The following DLG2 variants were observed in gnomAD, a reference collection of about 807,000 sequenced individuals.
The protein encoded by DLG2 is disks large homolog 2.
Under a neutral mutation model 132.5 loss-of-function variants are expected in DLG2, and 45 were observed. That is an observed-to-expected ratio of 0.34 (90% CI 0.27 to 0.44). The LOEUF (loss-of-function observed/expected upper bound fraction) is 0.44. Ranked by LOEUF, DLG2 falls within the 20% of genes least tolerant of loss-of-function variation. The pLI is 1.00. For missense variants in DLG2, 1,045 were observed against 1,196.9 expected (o/e 0.87, Z 1.87); for synonymous variants, 424 against 419.6 (o/e 1.01, Z -0.13).
chr11:84,995,336 C>T (rs1336021166), intron 6 of DLG2, among the ~76,000 whole-genome samples: 3 of 152,170 alleles, frequency 2.0e-5, no homozygotes, highest in East Asian at 1.9e-4. Context: ...CCACCACTTA[C>T]TAAGATACAT....
At chr11:84,536,736 T>A (rs893751663) in intron 6 of DLG2, among the ~76,000 whole-genome samples, 5 of 152,204 alleles carry the variant, frequency 3.3e-5, no homozygotes, top group African/African-American at 1.2e-4. Context: ...TCAGACTCCA[T>A]CCTGTCTTTT....
chr11:84,087,815 CT>C (rs2097015874), intron 10 of DLG2, among the ~76,000 whole-genome samples: 1 of 152,192 alleles, frequency 6.6e-6, no homozygotes, highest in Non-Finnish European at 1.5e-5. Context: ...TGGGGTTCCC[CT>C]GTCAACATTC....
rs140641115 is a variant in DLG2 at position 83,697,065 on chromosome 11, C to T, written c.1826-63740G>A. 4.0e-3 allele frequency among the ~76,000 whole-genome samples: 610 copies of T among 152,240 alleles called. 3 individuals carry two copies. The highest frequency in any genetic ancestry group is 0.013 in the South Asian group (61 of 4,822). On this transcript the variant is annotated intron_variant, in intron 18 of 27. Coordinates refer to ENST00000376104, the MANE Select transcript of DLG2 (RefSeq NM_001142699.3). The stretch of plus-strand genomic sequence containing the variant: ...GTGAGGTCCTATACTAGGTGTTCAA[C>T]GTAAGAATAACAAGACATGCTCTTT...
chr11:83,785,343 C>T (rs756395633), intron 18 of DLG2, among the ~76,000 whole-genome samples: 8 of 152,272 alleles, frequency 5.3e-5, no homozygotes, highest in African/African-American at 9.6e-5. Flanking sequence ...CTTAAGCCAC[C>T]GCACACGGCC....
At chr11:85,142,858 A>T (rs1019761161) in intron 5 of DLG2, among the ~76,000 whole-genome samples, 1 of 151,828 alleles carries the variant, frequency 6.6e-6, no homozygotes, top group Admixed American at 6.6e-5. Context: ...TATTACATTG[A>T]TTGATTTCTG....
At chr11:85,254,931 G>A (rs56161704) in intron 4 of DLG2, among the ~76,000 whole-genome samples, 3,509 of 151,442 alleles carry the variant, frequency 0.023, 78 homozygotes, top group African/African-American at 0.059. Context: ...CCCAGGAGGC[G>A]GAGCTTATAG....
chr11:83,844,311 G>A lies in DLG2; in HGVS notation c.1566-10541C>T, dbSNP rs111676690. Among the ~76,000 whole-genome samples, 374 of 150,378 alleles carry A rather than the reference G, an allele frequency of 2.5e-3. 1 individual carries two copies. Among genetic ancestry groups the A allele is most frequent in the African/African-American group, 8.6e-3 (353 of 40,814 alleles). ...AGTAATCTCAGTACTTTGGGAGGCC[G>A]AGGCGGGTGGATCACTAGAGGCCAG... On this transcript the variant is annotated intron_variant, in intron 16 of 27. Coordinates refer to ENST00000376104, the MANE Select transcript of DLG2 (RefSeq NM_001142699.3).
intron 6 of DLG2, among the ~76,000 whole-genome samples, chr11:84,834,485 A>G (rs929777355): frequency 1.3e-5 from 2 of 151,552 alleles, no homozygotes; most frequent in African/African-American, 4.8e-5. Context: ...AATCCCTCCA[A>G]ATTGCTCCTC....
At chr11:84,350,186 A>ACC (rs1567367238) in intron 7 of DLG2, among the ~76,000 whole-genome samples, 17 of 131,094 alleles carry the variant, frequency 1.3e-4, no homozygotes, top group Admixed American at 5.4e-4. Flanking sequence ...CCCCCCCCCA[A>ACC]AAAAAAAAAA....
At chr11:84,485,893 C>T (rs2099149473) in intron 7 of DLG2, among the ~76,000 whole-genome samples, 2 of 152,114 alleles carry the variant, frequency 1.3e-5, no homozygotes, top group South Asian at 4.1e-4. Flanking sequence ...CAGGTTAGGG[C>T]ACTCTGATCT....
chr11:84,976,481 G>A (rs1181088071), intron 6 of DLG2, among the ~76,000 whole-genome samples: 1 of 151,982 alleles, frequency 6.6e-6, no homozygotes, highest in East Asian at 1.9e-4. Flanking sequence ...TATAGTATAT[G>A]TGTATATATA....
At chr11:84,320,489 T>G (rs908867923) in intron 7 of DLG2, among the ~76,000 whole-genome samples, 26 of 152,150 alleles carry the variant, frequency 1.7e-4, no homozygotes, top group Non-Finnish European at 2.5e-4. Flanking sequence ...TTGAAAAGTG[T>G]GTACAGTCTA....
chr11:83,831,975 A>AGAGG (rs1377168312), intron 17 of DLG2, among the ~76,000 whole-genome samples: 1 of 152,168 alleles, frequency 6.6e-6, no homozygotes, highest in African/African-American at 2.4e-5. Flanking sequence ...AAGAATGAAA[A>AGAGG]GAGGGAGGGA....
intron 19 of DLG2, among the ~76,000 whole-genome samples, chr11:83,581,948 C>CTTT (rs71849863): frequency 0.31 from 16,297 of 52,506 alleles, 3,559 homozygotes; most frequent in East Asian, 0.37. Context: ...AGTTTGGACT[C>CTTT]TTTTTTTTTT....
At chr11:84,142,412 A>T (rs1367494672) in intron 9 of DLG2, among the ~76,000 whole-genome samples, 1 of 152,138 alleles carries the variant, frequency 6.6e-6, no homozygotes, top group African/African-American at 2.4e-5. Context: ...ATAAATTTAA[A>T]ATCCAGGTTG....
intron 17 of DLG2, among the ~76,000 whole-genome samples, chr11:83,807,297 C>A (rs2046153684): frequency 6.6e-6 from 1 of 152,160 alleles, no homozygotes; most frequent in African/African-American, 2.4e-5. Flanking sequence ...AAAAATTTTC[C>A]ATTTACACAG....
chr11:84,498,763 C>G (rs2154501983), intron 7 of DLG2, among the ~76,000 whole-genome samples: 1 of 152,266 alleles, frequency 6.6e-6, no homozygotes, highest in East Asian at 1.9e-4. Flanking sequence ...TATATATTAT[C>G]TTTCTTAATC....
intron 19 of DLG2, among the ~76,000 whole-genome samples, chr11:83,629,950 C>G (rs759850718): frequency 1.3e-5 from 2 of 152,092 alleles, no homozygotes; most frequent in Non-Finnish European, 2.9e-5. Flanking sequence ...ATATGTTTCA[C>G]AATGCAGGAA....
At chr11:85,408,622 C>T (rs2089008076) in intron 3 of DLG2, among the ~76,000 whole-genome samples, 1 of 147,792 alleles carries the variant, frequency 6.8e-6, no homozygotes, top group Non-Finnish European at 1.5e-5. Context: ...GTTCAATTCC[C>T]ACCTATGAGT....
Sources: allele counts gnomAD v4.1 joint callset (sites outside exome capture counted in the v4.1 genomes callset), GRCh38; gene constraint gnomAD v4.1.1; transcripts MANE v1.5; gene names NCBI Gene and HGNC (gene_info 2026-07-23, HGNC 2026-07-21).